The following DNMT1 variants were observed in gnomAD, a reference collection of about 807,000 sequenced individuals.
The protein encoded by DNMT1 is DNA methyltransferase 1.
A neutral mutation model predicts 205.3 loss-of-function variants in DNMT1; 24 were observed. The ratio of observed to expected loss-of-function variants is 0.12; its 90% confidence interval spans 0.08 to 0.16. The LOEUF is 0.16. DNMT1 is among the 10% of genes least tolerant of loss of function. The probability of loss-of-function intolerance (pLI) is 1.00; values close to 1 mark genes in which losing one functional copy is unlikely to be tolerated. For synonymous variants in DNMT1, 817 were observed against 839.8 expected (o/e 0.97, Z 0.47); for missense variants, 1,293 against 2,177.7 (o/e 0.59, Z 8.09).
chr19:10,139,352 T>TA (rs1167642247), intron 34 of DNMT1, among the ~76,000 whole-genome samples: 5 of 152,208 alleles, frequency 3.3e-5, no homozygotes, highest in Non-Finnish European at 5.9e-5. Context: ...ACTCAGCCAT[T>TA]CCACAGTGCT....
chr19:10,140,939 G>C lies in DNMT1; in HGVS notation c.3395-30C>G. ...GGGAGAGAGGCCAGAGGCTAAACCC[G>C]ATCCTCAGAGTCCAAGTCCACCTTG... On this transcript the variant is annotated intron_variant, in intron 31 of 40. Coordinates refer to ENST00000359526, the MANE Select transcript of DNMT1 (RefSeq NM_001130823.3). This position sits in a 1 kb window ranked among gnomAD's most constrained non-coding sequence, Gnocchi z 8.4. 2.5e-6 allele frequency: 4 copies of C among 1,613,692 alleles called. No individual in the cohort carries two copies. Among genetic ancestry groups the C allele is most frequent in the Non-Finnish European group, 8.5e-7 (1 of 1,180,034 alleles).
Position 10,137,396 on chromosome 19 carries a change from C to T in DNMT1, c.4294-116G>A. On this transcript the variant is annotated intron_variant, in intron 36 of 40. Transcript: ENST00000359526. The surrounding 1 kb of genome is among the most constrained non-coding windows in gnomAD (Gnocchi z 6.4). ...CAGGAAGCCCCCTGGGGCTCACGCC[C>T]ATCGGGAAAGAGACAGTCAGGGATA... 1 of 1,314,606 alleles carries T rather than the reference C, an allele frequency of 7.6e-7. No individual in the cohort carries two copies. Among genetic ancestry groups the T allele is most frequent in the South Asian group, 1.3e-5 (1 of 74,964 alleles). The allele number at this position is 1,314,606 out of a possible 1,614,324, so 81.4% of individuals were successfully genotyped here. A position where few individuals can be genotyped will look rare whatever the true frequency, so the allele number is the denominator to read the frequency against.
In DNMT1 at chr19:10,163,365, C is replaced by T. The variant is rs1828491496; in HGVS notation, c.892-5G>A. 1.2e-6 allele frequency: 2 copies of T among 1,613,646 alleles called. No homozygotes were observed. The highest frequency in any genetic ancestry group is 1.7e-6 in the Non-Finnish European group (2 of 1,179,846). On this transcript the variant is annotated splice_region_variant and splice_polypyrimidine_tract_variant and intron_variant, in intron 11 of 40. Coordinates refer to ENST00000359526, the MANE Select transcript of DNMT1 (RefSeq NM_001130823.3). ...ACTTCTGTGCTTCTTCTCATCCTGACAGAAAAATAAGGGGGAGGTAGAGAG... is the reference window on the plus strand; with the variant it reads ...ACTTCTGTGCTTCTTCTCATCCTGATAGAAAAATAAGGGGGAGGTAGAGAG...
chr19:10,140,869 C>T lies in DNMT1; in HGVS notation c.3435G>A (p.Glu1145=). Residue 1145 remains glutamate (E), a synonymous_variant, in exon 32 of 41, where the codon GAG becomes GAA. Transcript: ENST00000359526. This position sits in a 1 kb window ranked among gnomAD's most constrained non-coding sequence, Gnocchi z 8.4. ...TGGGCAGCTTGATCTCTATCTCTGG[C>T]TCGCTCGGCTCACAGGCTTGGGACT... The part of the protein sequence containing the change: ...KPKSQACEPS[E]PEIEIKLPKL... 2 of 1,614,200 alleles carry T rather than the reference C, an allele frequency of 1.2e-6. No homozygotes were observed. The highest frequency in any genetic ancestry group is 2.2e-5 in the South Asian group (2 of 91,086).
At chr19:10,182,326 A>G (rs1366033296) in intron 1 of DNMT1, among the ~76,000 whole-genome samples, 1 of 151,452 alleles carries the variant, frequency 6.6e-6, no homozygotes, top group Non-Finnish European at 1.5e-5. Context: ...TGATTGTGAG[A>G]TTACATAGCA....
intron 26 of DNMT1, among the ~76,000 whole-genome samples, 171 bp downstream of exon 26, chr19:10,149,282 G>T (rs1362052515): frequency 6.7e-6 from 1 of 150,196 alleles, no homozygotes; most frequent in Non-Finnish European, 1.5e-5. Flanking sequence ...CTGAGATCAT[G>T]CCATTGCACT....
At chr19:10,135,683 CAGGCA>C (rs766886311) in intron 39 of DNMT1, 48 bp downstream of exon 39, 1 of 1,576,792 alleles carries the variant, frequency 6.3e-7, no homozygotes, top group Admixed American at 1.7e-5. Context: ...CACCTGGTGA[CAGGCA>C]CAGAAGCCTC....
chr19:10,181,058 G>C (rs2145380367), intron 2 of DNMT1, among the ~76,000 whole-genome samples, 173 bp from the exon 3 acceptor site: 1 of 152,304 alleles, frequency 6.6e-6, no homozygotes, highest in Non-Finnish European at 1.5e-5. Context: ...TTTCCATTAG[G>C]ATCACTTCAC....
chr19:10,163,496 C>T, intron 11 of DNMT1, 136 bp from the exon 12 acceptor site: 1 of 882,892 alleles, frequency 1.1e-6, no homozygotes. Context: ...GACAGGCAGG[C>T]CTGGGCAGAT....
intron 1 of DNMT1, among the ~76,000 whole-genome samples, chr19:10,193,647 G>A (rs1213368547): frequency 7.4e-6 from 1 of 135,866 alleles, no homozygotes; most frequent in Non-Finnish European, 1.5e-5. Context: ...ACAGGCATAA[G>A]CCACAGCACC....
chr19:10,148,239 G>A (rs773484721), intron 27 of DNMT1, among the ~76,000 whole-genome samples: 12 of 151,376 alleles, frequency 7.9e-5, no homozygotes, highest in Non-Finnish European at 1.5e-4. Flanking sequence ...GCTCACGCCT[G>A]TAATCCCAGC....
chr19:10,168,613 A>G (rs1351365153), intron 9 of DNMT1, among the ~76,000 whole-genome samples: 1 of 152,188 alleles, frequency 6.6e-6, no homozygotes, highest in Non-Finnish European at 1.5e-5. Context: ...GGGTAAGTAG[A>G]CAGGAAATGA....
chr19:10,158,926 C>T (rs569535445), intron 17 of DNMT1, among the ~76,000 whole-genome samples: 3 of 152,308 alleles, frequency 2.0e-5, no homozygotes, highest in South Asian at 2.1e-4. Flanking sequence ...TTACCTCTCC[C>T]GTCTTCACAG....
At chr19:10,177,146 G>A in intron 6 of DNMT1, 146 bp downstream of exon 6, 2 of 722,540 alleles carry the variant, frequency 2.8e-6, no homozygotes, top group Non-Finnish European at 4.7e-6. Context: ...TTTCAGAAAT[G>A]CTATTCATAA....
intron 1 of DNMT1, among the ~76,000 whole-genome samples, chr19:10,194,128 T>C (rs1207293679): frequency 2.6e-5 from 4 of 152,290 alleles, no homozygotes; most frequent in Non-Finnish European, 2.9e-5. Context: ...AGACCAACCA[T>C]GCAGCCTTCA....
chr19:10,145,695 C>A (rs746857091), intron 28 of DNMT1, among the ~76,000 whole-genome samples: 6 of 152,216 alleles, frequency 3.9e-5, no homozygotes, highest in Admixed American at 2.0e-4. Flanking sequence ...TCACTCAACC[C>A]TTCGAGCCCC....
intron 22 of DNMT1, among the ~76,000 whole-genome samples, chr19:10,152,599 T>A (rs2038371044): frequency 6.6e-6 from 1 of 151,102 alleles, no homozygotes; most frequent in African/African-American, 2.4e-5. Flanking sequence ...ATCTACAAAA[T>A]GTTTTTTTTT....
intron 2 of DNMT1, 60 bp downstream of exon 2, chr19:10,181,981 T>C (rs1257163275): frequency 6.8e-7 from 1 of 1,462,472 alleles, no homozygotes; most frequent in African/African-American, 1.4e-5. Context: ...TTTCTTTTTA[T>C]GAGCCACAAA....
rs1255153711 is a variant in DNMT1, at chr19:10,140,272, G to A, written c.3580C>T (p.Arg1194Trp). 1 of 1,614,014 alleles carries A rather than the reference G, an allele frequency of 6.2e-7. No individual in the cohort carries two copies. Among genetic ancestry groups the A allele is most frequent in the South Asian group, 1.1e-5 (1 of 91,084 alleles). Reference protein sequence around the residue: ...EMWDPAAQAFRLNNPGSTVFT... With the variant: ...EMWDPAAQAFWLNNPGSTVFT... Reference sequence around the variant, plus strand: ...ACTGTGGAGCCGGGGTTGTTCAGCCGGAACGCCTGGGCCGCAGGGTCCCAC... The same window carrying A: ...ACTGTGGAGCCGGGGTTGTTCAGCCAGAACGCCTGGGCCGCAGGGTCCCAC... Residue 1194 changes from arginine to tryptophan, a missense_variant, in exon 33 of 41, where the codon CGG becomes TGG. Transcript: ENST00000359526. This position sits in a 1 kb window ranked among gnomAD's most constrained non-coding sequence, Gnocchi z 8.4.
Sources: gnomAD v4.1 joint callset for allele counts (sites outside exome capture counted in the v4.1 genomes callset) on GRCh38, gnomAD v4.1.1 for gene constraint, Gnocchi (gnomAD v3.1) non-coding constraint, MANE v1.5 for transcripts, NCBI Gene and HGNC (gene_info 2026-07-23, HGNC 2026-07-21) for gene names.